Variants in SRGAP2 observed in about 807,000 individuals in gnomAD.
SRGAP2 encodes SLIT-ROBO Rho GTPase-activating protein 2.
In SRGAP2, 15 loss-of-function variants were observed where a neutral mutation model predicts 57.2. The observed-to-expected ratio is 0.26, with a 90% CI of 0.18 to 0.40. The LOEUF (loss-of-function observed/expected upper bound fraction) is 0.40. SRGAP2 is among the 10% of genes least tolerant of loss of function. SRGAP2 has a pLI of 1.00. For missense variants in SRGAP2, 520 were observed against 669.6 expected, an observed-to-expected ratio of 0.78 and a Z score of 2.47; for synonymous variants, 249 against 248.0, an observed-to-expected ratio of 1.00 and a Z score of -0.04.
intron 11 of SRGAP2, among the ~76,000 whole-genome samples, chr1:206,417,031 C>T (rs990352193): frequency 1.3e-5 from 2 of 152,108 alleles, no homozygotes; most frequent in African/African-American, 2.4e-5. Context: ...CCTTTTTTGC[C>T]CTGTCCTTTT....
intron 14 of SRGAP2, among the ~76,000 whole-genome samples, chr1:206,432,745 T>C (rs1231991866): frequency 6.6e-6 from 1 of 152,192 alleles, no homozygotes; most frequent in African/African-American, 2.4e-5. Context: ...CCATAGTAAG[T>C]TGAAAATGTA....
chr1:206,440,127 G>C (rs1327507630), intron 17 of SRGAP2, 46 bp downstream of exon 17: 1 of 771,246 alleles, frequency 1.3e-6, no homozygotes, highest in South Asian at 1.4e-5. Context: ...TTTGGCTTGG[G>C]CACTGGAAGT....
At chr1:206,248,271 T>C (rs1468750669) in intron 2 of SRGAP2, among the ~76,000 whole-genome samples, 4 of 152,174 alleles carry the variant, frequency 2.6e-5, no homozygotes, top group Non-Finnish European at 5.9e-5. Context: ...TTGTGTAATA[T>C]TTGTCGCTGT....
intron 2 of SRGAP2, among the ~76,000 whole-genome samples, chr1:206,237,593 C>A (rs1328766420): frequency 8.5e-5 from 13 of 152,170 alleles, no homozygotes; most frequent in African/African-American, 2.2e-4. Context: ...CTTCAAATTT[C>A]TTCCAAGCAT....
chr1:206,421,024 T>C (rs1660256464), intron 12 of SRGAP2, among the ~76,000 whole-genome samples: 1 of 152,204 alleles, frequency 6.6e-6, no homozygotes, highest in African/African-American at 2.4e-5. Context: ...AAAAAAGAGC[T>C]TTCGTAGGCT....
At chr1:206,451,136 A>AG (rs1663254371) in intron 19 of SRGAP2, among the ~76,000 whole-genome samples, 1 of 151,576 alleles carries the variant, frequency 6.6e-6, no homozygotes, top group Non-Finnish European at 1.5e-5. Context: ...AAAAAAAAAA[A>AG]AAAGTAAGCC....
chr1:206,340,713 G>A (rs1675122800), intron 3 of SRGAP2, among the ~76,000 whole-genome samples: 1 of 147,350 alleles, frequency 6.8e-6, no homozygotes, highest in South Asian at 2.2e-4. Flanking sequence ...CATTTTGAAA[G>A]TTTTCTTGCA....
chr1:206,440,056 A>T lies in SRGAP2; in HGVS notation c.1849A>T (p.Arg617Ter). 1 of 780,912 alleles carries T rather than the reference A, an allele frequency of 1.3e-6. No homozygotes were observed. Among genetic ancestry groups the T allele is most frequent in the Non-Finnish European group, 2.4e-6 (1 of 417,986 alleles). The allele number at this position is 780,912 out of a possible 1,614,324, so 48.4% of individuals were successfully genotyped here. The change falls in exon 17 of 23, where the codon AGA (arginine) becomes TGA (stop). Residue 617 changes from arginine (R) to a stop codon, truncating the protein, a stop_gained. Coordinates refer to ENST00000573034, the MANE Select transcript of SRGAP2 (RefSeq NM_015326.5). LOFTEE classifies it high-confidence loss of function. ...GCCCAAAACCACTCTGATTATCATG[A>T]GATACCTCTTTGCCTTCCTCAATCA... The part of the protein sequence containing the change: ...VLPKTTLIIM[R>*]YLFAFLNHLS...
chr1:206,247,059 T>C (rs1553310170), intron 2 of SRGAP2, among the ~76,000 whole-genome samples: 1 of 138,188 alleles, frequency 7.2e-6, no homozygotes, highest in African/African-American at 2.7e-5. Context: ...ATTGCTTGTT[T>C]TGCTGCTTCT....
rs1433598230 is a variant in SRGAP2, at chr1:206,454,338, C to T, written c.2361-540C>T. The T allele has an allele frequency of 4.8e-6, 3 of 627,328 alleles. No homozygotes were observed. Among genetic ancestry groups the T allele is most frequent in the Non-Finnish European group, 8.6e-6 (3 of 349,864 alleles). 38.9% of individuals were successfully genotyped at this position (627,328 alleles called of 1,614,324 possible). ...GTGGGGGAGAAGGGGCTTTCTTTGT[C>T]ATCAGTAGCCAGAGGGGCCAGGAGA... On this transcript the variant is annotated intron_variant, in intron 20 of 22. Transcript: ENST00000573034. This position sits in a 1 kb window ranked among gnomAD's most constrained non-coding sequence, Gnocchi z 4.3.
chr1:206,221,022 A>C, intron 2 of SRGAP2, among the ~76,000 whole-genome samples: 1 of 145,498 alleles, frequency 6.9e-6, no homozygotes. Context: ...GCTCACTGCA[A>C]CCTCCGACTC....
chr1:206,442,563 G>A (rs1213603179), intron 17 of SRGAP2, among the ~76,000 whole-genome samples: 3 of 152,198 alleles, frequency 2.0e-5, no homozygotes, highest in African/African-American at 7.2e-5. Flanking sequence ...ATGCAGGGTT[G>A]CTGCTTGCAG....
chr1:206,394,038 CTTTTTTTTT>C (rs577375533), intron 7 of SRGAP2, among the ~76,000 whole-genome samples: 3 of 49,900 alleles, frequency 6.0e-5, no homozygotes, highest in East Asian at 2.0e-3. Flanking sequence ...TACTTTCTTC[CTTTTTTTTT>C]TTTTTTTTTT....
At chr1:206,439,013 T>G (rs1662030401) in intron 16 of SRGAP2, among the ~76,000 whole-genome samples, 1 of 152,150 alleles carries the variant, frequency 6.6e-6, no homozygotes, top group African/African-American at 2.4e-5. Context: ...TGTGGGTGAT[T>G]AAGAATGTGA....
chr1:206,431,700 G>A (rs1447173447), intron 14 of SRGAP2, among the ~76,000 whole-genome samples: 2 of 152,226 alleles, frequency 1.3e-5, no homozygotes, highest in African/African-American at 4.8e-5. Flanking sequence ...TGATCAGCCA[G>A]TAAATACAGT....
At chr1:206,429,438 A>C (rs1661101080) in intron 13 of SRGAP2, among the ~76,000 whole-genome samples, 1 of 152,354 alleles carries the variant, frequency 6.6e-6, no homozygotes, top group South Asian at 2.1e-4. Flanking sequence ...GCTCTTGTGA[A>C]GTTTGAGCTG....
chr1:206,347,764 A>G (rs577810386), intron 4 of SRGAP2, among the ~76,000 whole-genome samples: 185 of 148,284 alleles, frequency 1.2e-3, no homozygotes, highest in Non-Finnish European at 2.4e-3. Context: ...TCACTTAGTT[A>G]TAGAATTAAC....
At position 206,273,855 on chromosome 1, in the gene SRGAP2, A is replaced by G. The variant is rs1670259743; in HGVS notation, c.68-29426A>G. 2.0e-5 allele frequency among the ~76,000 whole-genome samples: 3 copies of G among 151,132 alleles called. No homozygotes were observed. In the South Asian group the frequency reaches 6.2e-4, roughly 31 times the overall value. On this transcript the variant is annotated intron_variant, in intron 2 of 22. Coordinates refer to ENST00000573034, the MANE Select transcript of SRGAP2 (RefSeq NM_015326.5). ...TGATTTCAGAATAAGTGCTTCTACA[A>G]CGGGATATTGGGCTTGGGAGTGTAG...
In SRGAP2 at chr1:206,447,075, C is replaced by T. The variant is rs574073978; in HGVS notation, c.2099+776C>T. On this transcript the variant is annotated intron_variant, in intron 18 of 22. Transcript: ENST00000573034. ...TCATCTCTTTGTACAGGGTACAGTC[C>T]GTTACCCCATGCCACCCGCCATGGT... Among the ~76,000 whole-genome samples the T allele has an allele frequency of 2.6e-5, 4 of 152,256 alleles. No individual in the cohort carries two copies. In the South Asian group the frequency reaches 6.2e-4, roughly 24 times the overall value.
Sources: gnomAD v4.1 joint callset for allele counts (sites outside exome capture counted in the v4.1 genomes callset) on GRCh38, gnomAD v4.1.1 for gene constraint, Gnocchi (gnomAD v3.1) non-coding constraint, MANE v1.5 for transcripts, NCBI Gene and HGNC (gene_info 2026-07-23, HGNC 2026-07-21) for gene names.